The following ATP11B variants were observed in gnomAD, a reference collection of about 807,000 sequenced individuals.
The protein encoded by ATP11B is phospholipid-transporting ATPase IF.
ATP11B carries 81 observed loss-of-function variants against 157.8 expected under a neutral mutation model. The observed-to-expected ratio is 0.51, with a 90% CI of 0.43 to 0.62. The LOEUF is 0.62. Among genes scored for constraint, ATP11B ranks in the 20% least tolerant of loss-of-function variants. The pLI, the probability that ATP11B is intolerant of heterozygous loss-of-function variation, is 0.00. For synonymous variants in ATP11B, 451 were observed against 469.4 expected (o/e 0.96, Z 0.51); for missense variants, 1,165 against 1,402.2 (o/e 0.83, Z 2.70).
chr3:182,884,704 T>C, intron 21 of ATP11B, 49 bp from the exon 22 acceptor site: 2 of 1,531,814 alleles, frequency 1.3e-6, no homozygotes, highest in Non-Finnish European at 8.8e-7. Context: ...AGATTTATCA[T>C]GAAAATTACA....
chr3:182,826,636 T>C (rs1484400466), intron 2 of ATP11B, among the ~76,000 whole-genome samples: 1 of 152,218 alleles, frequency 6.6e-6, no homozygotes, highest in African/African-American at 2.4e-5. Context: ...GAACCACTGC[T>C]GCCGCCACTA....
chr3:182,870,832 G>A (rs1329569329), intron 17 of ATP11B, among the ~76,000 whole-genome samples: 2 of 151,634 alleles, frequency 1.3e-5, no homozygotes, highest in Non-Finnish European at 2.9e-5. Context: ...GGAGGCTGAG[G>A]CAGGAGAATC....
At chr3:182,917,228 G>T in intron 29 of ATP11B, 1 of 985,276 alleles carries the variant, frequency 1.0e-6, no homozygotes, top group Non-Finnish European at 1.2e-6. Flanking sequence ...TGTATTTATT[G>T]TTAAATGTGT....
chr3:182,874,102 C>T, intron 19 of ATP11B, 87 bp downstream of exon 19: 4 of 1,172,178 alleles, frequency 3.4e-6, no homozygotes, highest in African/African-American at 1.6e-5. Flanking sequence ...ACTGTCACTG[C>T]CTGTTTTTTA....
intron 4 of ATP11B, among the ~76,000 whole-genome samples, chr3:182,834,844 C>T (rs916933738): frequency 3.3e-5 from 5 of 152,170 alleles, no homozygotes; most frequent in African/African-American, 9.7e-5. Flanking sequence ...TAAGTTTTGA[C>T]TCTCCCAAAA....
chr3:182,884,692 G>T (rs2108564423), intron 21 of ATP11B, 61 bp from the exon 22 acceptor site: 1 of 1,471,592 alleles, frequency 6.8e-7, no homozygotes, highest in Non-Finnish European at 9.2e-7. Context: ...TAAGATATTT[G>T]CAGATTTATC....
At chr3:182,900,469 A>G (rs1400075798) in intron 28 of ATP11B, among the ~76,000 whole-genome samples, 4 of 152,124 alleles carry the variant, frequency 2.6e-5, no homozygotes, top group African/African-American at 9.7e-5. Context: ...GGCTAAAACA[A>G]TTTGCATAAT....
intron 7 of ATP11B, among the ~76,000 whole-genome samples, chr3:182,840,466 C>T (rs1718919333): frequency 6.6e-6 from 1 of 152,156 alleles, no homozygotes. Flanking sequence ...ATTTCTCTAT[C>T]CCAGACTTCT....
chr3:182,837,226 T>A, intron 7 of ATP11B, 52 bp downstream of exon 7: 3 of 1,266,198 alleles, frequency 2.4e-6, no homozygotes, highest in Non-Finnish European at 1.1e-6. Flanking sequence ...ACAGACCTCA[T>A]TTTTAAATAA....
intron 28 of ATP11B, among the ~76,000 whole-genome samples, chr3:182,911,944 C>T (rs1040057389): frequency 2.0e-5 from 3 of 152,082 alleles, no homozygotes; most frequent in Non-Finnish European, 4.4e-5. Flanking sequence ...TGGCAGGCCC[C>T]GACACGTTGC....
intron 4 of ATP11B, among the ~76,000 whole-genome samples, chr3:182,832,996 A>C (rs576592599): frequency 2.0e-5 from 3 of 152,198 alleles, no homozygotes; most frequent in South Asian, 4.1e-4. Context: ...TCATATTTCA[A>C]ATCAGTAGGT....
chr3:182,808,344 T>C (rs915365020), intron 1 of ATP11B, among the ~76,000 whole-genome samples: 3 of 152,220 alleles, frequency 2.0e-5, no homozygotes, highest in Non-Finnish European at 4.4e-5. Flanking sequence ...AACTTAGATA[T>C]GCAGGAGACC....
intron 1 of ATP11B, among the ~76,000 whole-genome samples, chr3:182,807,255 A>T (rs1187316072): frequency 6.6e-6 from 1 of 152,174 alleles, no homozygotes; most frequent in Non-Finnish European, 1.5e-5. Context: ...AATCTGCCTG[A>T]AAGTGTGATA....
At chr3:182,873,035 C>G (rs1190563614) in intron 18 of ATP11B, among the ~76,000 whole-genome samples, 3 of 152,196 alleles carry the variant, frequency 2.0e-5, no homozygotes, top group Non-Finnish European at 2.9e-5. Flanking sequence ...AAGACCTTTC[C>G]TGACACCTAA....
chr3:182,797,275 T>A (rs978815054), intron 1 of ATP11B, among the ~76,000 whole-genome samples: 7 of 152,228 alleles, frequency 4.6e-5, no homozygotes, highest in Non-Finnish European at 7.3e-5. Context: ...CCTGTACCTG[T>A]AACTGGCAAA....
At chr3:182,799,261 G>A (rs1392972007) in intron 1 of ATP11B, among the ~76,000 whole-genome samples, 3 of 151,714 alleles carry the variant, frequency 2.0e-5, no homozygotes, top group African/African-American at 7.3e-5. Flanking sequence ...AGTTGTCTGA[G>A]TGCTGATCTT....
intron 2 of ATP11B, among the ~76,000 whole-genome samples, 198 bp downstream of exon 2, chr3:182,820,574 C>G (rs540957918): frequency 1.3e-5 from 2 of 152,188 alleles, no homozygotes; most frequent in Admixed American, 6.5e-5. Context: ...GACAGCTACT[C>G]TGGAGGCTGG....
intron 28 of ATP11B, among the ~76,000 whole-genome samples, chr3:182,901,342 A>G (rs531967721): frequency 1.3e-5 from 2 of 149,710 alleles, no homozygotes; most frequent in African/African-American, 2.4e-5. Flanking sequence ...CCGTCTCACA[A>G]AAAAAAAAAA....
At chr3:182,887,316 A>C (rs1333559683) in intron 23 of ATP11B, among the ~76,000 whole-genome samples, 1 of 152,200 alleles carries the variant, frequency 6.6e-6, no homozygotes, top group Admixed American at 6.5e-5. Context: ...ATTGTGGAGA[A>C]CCTTGAAATG....
Sources: allele counts gnomAD v4.1 joint callset (sites outside exome capture counted in the v4.1 genomes callset), GRCh38; gene constraint gnomAD v4.1.1; transcripts MANE v1.5; gene names NCBI Gene and HGNC (gene_info 2026-07-23, HGNC 2026-07-21).